BICRA: variants seen among roughly 807,000 people sequenced by gnomAD.
The protein encoded by BICRA is BRD4 interacting chromatin remodeling complex associated protein.
A neutral mutation model predicts 96.9 loss-of-function variants in BICRA; 31 were observed. That is an observed-to-expected ratio of 0.32 (90% CI 0.24 to 0.43). BICRA has a LOEUF of 0.43. Among genes scored for constraint, BICRA ranks in the 20% least tolerant of loss-of-function variants. The probability of loss-of-function intolerance (pLI) is 1.00; values close to 1 mark genes in which losing one functional copy is unlikely to be tolerated. For synonymous variants in BICRA, 1,350 were observed against 1,071.8 expected (o/e 1.26, Z -5.07); for missense variants, 2,283 against 2,190.3 (o/e 1.04, Z -0.84).
chr19:47,693,918 C>A (rs1179557445), intron 7 of BICRA, among the ~76,000 whole-genome samples, 197 bp from the exon 8 acceptor site: 3 of 151,886 alleles, frequency 2.0e-5, no homozygotes, highest in African/African-American at 7.3e-5. Context: ...AGGTCGAGGG[C>A]AGGTGGAGGG....
chr19:47,635,590 C>T (rs544505380), intron 1 of BICRA, among the ~76,000 whole-genome samples: 1 of 152,214 alleles, frequency 6.6e-6, no homozygotes, highest in South Asian at 2.1e-4. Flanking sequence ...AGCTCGATAC[C>T]TGTTGAACAA....
In BICRA at chr19:47,701,761, C is replaced by G. The variant is rs1045727604; in HGVS notation, c.4029C>G (p.Ala1343=). ...CACCCCCCGCTACCCTCAAGGTGGC[C>G]GAGCCCCCGCCACGGCCGCCACCAC... is the stretch of plus-strand genomic sequence containing the variant. ...PPPPPATLKV[A]EPPPRPPPPP... The change falls in exon 15 of 15, where the codon GCC becomes GCG. Residue 1343 remains alanine (A), a synonymous_variant. Coordinates refer to ENST00000594866, the MANE Select transcript of BICRA (RefSeq NM_001394372.1). This position sits in a 1 kb window ranked among gnomAD's most constrained non-coding sequence, Gnocchi z 5.4. 5.2e-6 allele frequency: 8 copies of G among 1,538,078 alleles called. 1 individual carries two copies. The African/African-American group carries it at 8.3e-5, about 16-fold the overall frequency.
At chr19:47,632,465 A>G (rs1444130815) in intron 1 of BICRA, among the ~76,000 whole-genome samples, 2 of 152,224 alleles carry the variant, frequency 1.3e-5, no homozygotes, top group Non-Finnish European at 2.9e-5. Flanking sequence ...AGGAGAAGCA[A>G]GAGATGATTG....
chr19:47,624,118 T>C (rs1175383272), intron 1 of BICRA, among the ~76,000 whole-genome samples: 1 of 152,174 alleles, frequency 6.6e-6, no homozygotes, highest in Non-Finnish European at 1.5e-5. Context: ...CCCAAAGTGC[T>C]GGGATTACAG....
intron 7 of BICRA, among the ~76,000 whole-genome samples, chr19:47,685,227 C>A (rs964824749): frequency 6.6e-6 from 1 of 151,650 alleles, no homozygotes; most frequent in East Asian, 1.9e-4. Context: ...GCTTAGTAAT[C>A]CTCCCACCTT....
chr19:47,700,965 CA>C (rs1224006767), intron 14 of BICRA: 3 of 306,906 alleles, frequency 9.8e-6, no homozygotes, highest in Non-Finnish European at 1.8e-5. Context: ...TTTGTAGAGA[CA>C]GGGGTCTCAC....
At chr19:47,609,914 C>T (rs924832138) in intron 1 of BICRA, among the ~76,000 whole-genome samples, 5 of 152,086 alleles carry the variant, frequency 3.3e-5, no homozygotes, top group East Asian at 3.9e-4. Flanking sequence ...AGGGAGGTGA[C>T]CCCCTCCCCC....
chr19:47,698,880 A>C lies in BICRA; in HGVS notation c.3398-85A>C. 1 of 1,347,948 alleles carries C rather than the reference A, an allele frequency of 7.4e-7. No individual in the cohort carries two copies. The highest frequency in any genetic ancestry group is 1.0e-6 in the Non-Finnish European group (1 of 962,078). 83.5% of individuals were successfully genotyped at this position (1,347,948 alleles called of 1,614,324 possible). ...TGGAGCCGCAGGTCCACGGTGCGCTATGCTGACCCTGCCCCGCCCTCCTTC... is the reference window on the plus strand; with the variant it reads ...TGGAGCCGCAGGTCCACGGTGCGCTCTGCTGACCCTGCCCCGCCCTCCTTC... On this transcript the variant is annotated intron_variant, in intron 12 of 14. Transcript: ENST00000594866. The surrounding 1 kb of genome is among the most constrained non-coding windows in gnomAD (Gnocchi z 4.8).
At position 47,673,428 on chromosome 19, in the gene BICRA, T is replaced by C. The variant is rs191078672; in HGVS notation, c.-5-142T>C. The C allele has an allele frequency of 3.1e-3, 2,154 of 688,560 alleles. 7 individuals are homozygous for C. The highest frequency in any genetic ancestry group is 0.011 in the Middle Eastern group (34 of 3,216). 42.7% of individuals were successfully genotyped at this position (688,560 alleles called of 1,614,324 possible). ...TGGGAGGGCACCTGGGAGGTATTCC[T>C]TGTCCCCATCTATCCCCATGGACTC... On this transcript the variant is annotated intron_variant, in intron 2 of 14. Coordinates refer to ENST00000594866, the MANE Select transcript of BICRA (RefSeq NM_001394372.1).
In BICRA at chr19:47,702,226, C is replaced by T. The variant is rs1459109494; in HGVS notation, c.4494C>T (p.Thr1498=). The change falls in exon 15 of 15, where the codon ACC becomes ACT. Residue 1498 remains threonine (T), a synonymous_variant. Coordinates refer to ENST00000594866, the MANE Select transcript of BICRA (RefSeq NM_001394372.1). ...SSDSPQDDTL[T]EHLQSAIDSI... ...ACAGCCCGCAGGATGACACGCTCAC[C>T]GAGCACCTGCAGAGCGCCATCGACA... The T allele has an allele frequency of 5.6e-6, 9 of 1,599,174 alleles. No individual in the cohort carries two copies. Among genetic ancestry groups the T allele is most frequent in the Admixed American group, 1.7e-5 (1 of 59,740 alleles).
rs141298661 is a variant in BICRA at position 47,664,747 on chromosome 19, G to A, written c.-107-5696G>A. On this transcript the variant is annotated intron_variant, in intron 1 of 14. Transcript: ENST00000594866. ...GGTGGCAGAGGCTGGCTTCTCGCTC[G>A]TGTGTGTGCCCGTGGGGGGTTGGCT... Among the ~76,000 whole-genome samples, 200 of 152,324 alleles carry A rather than the reference G, an allele frequency of 1.3e-3. 2 individuals carry two copies. In the East Asian group the frequency reaches 0.038, roughly 29 times the overall value.
At chr19:47,691,262 A>G (rs1301596498) in intron 7 of BICRA, among the ~76,000 whole-genome samples, 1 of 152,230 alleles carries the variant, frequency 6.6e-6, no homozygotes, top group Admixed American at 6.5e-5. Flanking sequence ...GAGTGACCCA[A>G]TAGAAACAGA....
At chr19:47,657,141 G>A (rs190998144) in intron 1 of BICRA, among the ~76,000 whole-genome samples, 5 of 151,452 alleles carry the variant, frequency 3.3e-5, no homozygotes, top group South Asian at 4.2e-4. Context: ...GATTACAGGC[G>A]TGAGCCACTG....
At chr19:47,678,468 C>T (rs544853920) in intron 5 of BICRA, among the ~76,000 whole-genome samples, 13 of 152,032 alleles carry the variant, frequency 8.6e-5, no homozygotes, top group African/African-American at 1.2e-4. Flanking sequence ...ACAGCACCCC[C>T]GCGGGCTTGG....
At chr19:47,676,202 C>A (rs1972938382) in intron 5 of BICRA, among the ~76,000 whole-genome samples, 1 of 151,968 alleles carries the variant, frequency 6.6e-6, no homozygotes, top group Admixed American at 6.6e-5. Flanking sequence ...GTGGCTCATG[C>A]AGAGTGGTTC....
chr19:47,676,924 A>G (rs1441458859), intron 5 of BICRA, among the ~76,000 whole-genome samples: 9 of 152,066 alleles, frequency 5.9e-5, no homozygotes, highest in Non-Finnish European at 1.3e-4. Flanking sequence ...GAATTTTCAC[A>G]GGCATCCCAG....
intron 1 of BICRA, among the ~76,000 whole-genome samples, chr19:47,665,095 G>T (rs1458226017): frequency 6.6e-6 from 1 of 151,478 alleles, no homozygotes; most frequent in Non-Finnish European, 1.5e-5. Context: ...GGGGGTAGGG[G>T]AGAGGTCTCC....
intron 1 of BICRA, among the ~76,000 whole-genome samples, chr19:47,665,021 ACCCCCACC>A (rs769348290): frequency 1.4e-5 from 2 of 143,516 alleles, no homozygotes; most frequent in Non-Finnish European, 3.1e-5. Flanking sequence ...CTAGTTTTCA[ACCCCCACC>A]CCCCCGCCCC....
At chr19:47,687,031 A>T (rs1441108665) in intron 7 of BICRA, among the ~76,000 whole-genome samples, 1 of 152,240 alleles carries the variant, frequency 6.6e-6, no homozygotes, top group Non-Finnish European at 1.5e-5. Context: ...AGAGTTGGGC[A>T]TGTTGAAAGA....
Sources: gnomAD v4.1 joint callset for allele counts (sites outside exome capture counted in the v4.1 genomes callset) on GRCh38, gnomAD v4.1.1 for gene constraint, Gnocchi (gnomAD v3.1) non-coding constraint, MANE v1.5 for transcripts, NCBI Gene and HGNC (gene_info 2026-07-23, HGNC 2026-07-21) for gene names.